The following GOLGA8S variants were observed in gnomAD, a reference collection of about 807,000 sequenced individuals.
GOLGA8S encodes golgin A8 family member S, also known as golgin subfamily A member 8S.
Under a neutral mutation model 58.9 loss-of-function variants are expected in GOLGA8S, and 23 were observed. The observed-to-expected ratio is 0.39, with a 90% CI of 0.28 to 0.55. The LOEUF (loss-of-function observed/expected upper bound fraction) is 0.55. Among genes scored for constraint, GOLGA8S ranks in the 20% least tolerant of loss-of-function variants. GOLGA8S has a pLI of 0.63. For synonymous variants in GOLGA8S, 84 were observed against 195.7 expected, an observed-to-expected ratio of 0.43 and a Z score of 4.76; for missense variants, 266 against 514.2, an observed-to-expected ratio of 0.52 and a Z score of 4.67.
chr15:23,359,931 G>T (rs2069757078), intron 8 of GOLGA8S, among the ~76,000 whole-genome samples: 1 of 148,980 alleles, frequency 6.7e-6, no homozygotes, highest in Non-Finnish European at 1.5e-5. Flanking sequence ...GGATTAAATG[G>T]GATTGCTAGC....
exon 12 of GOLGA8S, chr15:23,361,343 A>C (rs769798216): frequency 9.4e-6 from 11 of 1,171,638 alleles, no homozygotes; most frequent in Middle Eastern, 2.3e-4. Flanking sequence ...TCAGCGCATA[A>C]GTCTCCTGAA....
At chr15:23,364,408 T>G (rs4036678) in exon 16 of GOLGA8S, 2 of 1,604,296 alleles carry the variant, frequency 1.2e-6, no homozygotes, top group Non-Finnish European at 8.5e-7. Context: ...AACAAGAACT[T>G]CGCTTCATTC....
At chr15:23,365,863 T>G (rs4036670), downstream of GOLGA8S, 1 of 153,984 alleles carries the variant, frequency 6.5e-6, no homozygotes, top group East Asian at 1.9e-4. Flanking sequence ...TTATGGTGGT[T>G]CCCTTAGGAT....
At chr15:23,357,813 T>C (rs2141021741) in intron 4 of GOLGA8S, among the ~76,000 whole-genome samples, 194 bp downstream of exon 4, 1 of 149,532 alleles carries the variant, frequency 6.7e-6, no homozygotes, top group East Asian at 1.9e-4. Context: ...TTGCTGACTC[T>C]CCCCTCTCCA....
Position 23,358,064 on chromosome 15 carries a change from C to G in GOLGA8S, c.310-408C>G, listed in dbSNP as rs1368955526. On this transcript the variant is annotated intron_variant, in intron 4 of 18. Transcript: ENST00000562295. ...TAAAGGCCTCCTAGAATGGAAACCT[C>G]AGGGCCAAAGGCTCCTGTCTGTCCT... is the stretch of plus-strand genomic sequence containing the variant. 6.6e-5 allele frequency among the ~76,000 whole-genome samples: 10 copies of G among 151,202 alleles called. No individual in the cohort carries two copies. In the East Asian group the frequency reaches 1.7e-3, roughly 26 times the overall value.
downstream of GOLGA8S, among the ~76,000 whole-genome samples, chr15:23,368,221 G>C (rs1329464275): frequency 2.6e-5 from 4 of 151,944 alleles, no homozygotes; most frequent in African/African-American, 9.7e-5. Context: ...CTTGTAAACA[G>C]AATGTGTAAT....
chr15:23,358,205 C>G (rs375725909), intron 4 of GOLGA8S, among the ~76,000 whole-genome samples: 1,848 of 135,462 alleles, frequency 0.014, no homozygotes, highest in African/African-American at 0.043. Flanking sequence ...GGGCCTTTCT[C>G]AAACTCCATC....
At chr15:23,364,490 G>C (rs2069875694) in intron 16 of GOLGA8S, 36 bp from the exon 17 acceptor site, 1 of 1,605,390 alleles carries the variant, frequency 6.2e-7, no homozygotes, top group Non-Finnish European at 8.5e-7. Flanking sequence ...AGGGCCGTCG[G>C]AGGGGCCCCA....
rs543816561 is a variant in GOLGA8S at position 23,363,585 on chromosome 15, G to A, written c.1256-93G>A. 1,065 of 328,036 alleles carry A rather than the reference G, an allele frequency of 3.2e-3. 104 individuals are homozygous for A. The highest frequency in any genetic ancestry group is 6.2e-3 in the Middle Eastern group (8 of 1,290). 20.3% of individuals were successfully genotyped at this position (328,036 alleles called of 1,614,324 possible). A position where few individuals can be genotyped will look rare whatever the true frequency, so the allele number is the denominator to read the frequency against. On this transcript the variant is annotated intron_variant, in intron 14 of 18. Transcript: ENST00000562295. The stretch of plus-strand genomic sequence containing the variant: ...CTCTCTGGGGAGGGGCTGGCTCAGG[G>A]TTACACAATGAGGGTGGAGGTAGAG...
exon 16 of GOLGA8S, chr15:23,364,410 G>T (rs777107112): frequency 2.5e-6 from 4 of 1,604,448 alleles, no homozygotes; most frequent in Middle Eastern, 1.7e-4. Flanking sequence ...CAAGAACTTC[G>T]CTTCATTCAA....
chr15:23,364,553 A>C, exon 17 of GOLGA8S: 1 of 1,591,324 alleles, frequency 6.3e-7, no homozygotes, highest in Non-Finnish European at 8.5e-7. Context: ...TATCAGAACC[A>C]GGGGGCCGTG....
At chr15:23,366,474 CT>C (rs2069923947), downstream of GOLGA8S, 1 of 151,900 alleles carries the variant, frequency 6.6e-6, no homozygotes, top group African/African-American at 2.4e-5. Flanking sequence ...ATTATACTAT[CT>C]TTGAAAATCA....
chr15:23,366,300 C>T (rs2069921164), downstream of GOLGA8S: 1 of 150,740 alleles, frequency 6.6e-6, no homozygotes, highest in Non-Finnish European at 1.5e-5. Flanking sequence ...CCATCTAGAC[C>T]TCTTTGGCTA....
rs901742045 is a variant in GOLGA8S, at chr15:23,364,033, T to G, written c.1347+264T>G. Among the ~76,000 whole-genome samples, 21 of 137,122 alleles carry G rather than the reference T, an allele frequency of 1.5e-4. 1 individual carries two copies. The highest frequency in any genetic ancestry group is 4.6e-4 in the African/African-American group (18 of 38,970). The allele number at this position is 137,122 out of a possible 152,430, so 90.0% of individuals were successfully genotyped here. A position where few individuals can be genotyped will look rare whatever the true frequency, so the allele number is the denominator to read the frequency against. On this transcript the variant is annotated intron_variant, in intron 15 of 18. Transcript: ENST00000562295. ...TCACATCTTGCCCTCAGGTGGCATT[T>G]TTCAAGTCCGCTGGAGCTAGTGCCC... is the stretch of plus-strand genomic sequence containing the variant.
rs1465144148 is a variant in GOLGA8S at position 23,364,712 on chromosome 15, C to T, written c.1547-7C>T. 6.6e-7 allele frequency: 1 copy of T among 1,510,930 alleles called. No individual in the cohort carries two copies. The highest frequency in any genetic ancestry group is 1.9e-5 in the Admixed American group (1 of 51,724). 93.6% of individuals were successfully genotyped at this position (1,510,930 alleles called of 1,614,324 possible). On this transcript the variant is annotated splice_polypyrimidine_tract_variant and splice_region_variant and intron_variant, in intron 17 of 18. Transcript: ENST00000562295. The stretch of plus-strand genomic sequence containing the variant: ...GCGGCATGGCAGCTGAGCACCCCTC[C>T]CTCCAGATGAAGCTGCTGGAGCTGC...
chr15:23,356,116 G>C (rs2069684466), intron 1 of GOLGA8S, among the ~76,000 whole-genome samples: 1 of 142,460 alleles, frequency 7.0e-6, no homozygotes. Context: ...AATGAGGCTT[G>C]GGTTGTCCTC....
chr15:23,368,026 A>G (rs1049583543), downstream of GOLGA8S, among the ~76,000 whole-genome samples: 8 of 151,978 alleles, frequency 5.3e-5, no homozygotes, highest in African/African-American at 1.4e-4. Context: ...TTAAAATAAT[A>G]TAACTATTAA....
intron 8 of GOLGA8S, 96 bp from the exon 9 acceptor site, chr15:23,360,132 AC>A: frequency 2.8e-6 from 2 of 703,688 alleles, no homozygotes; most frequent in South Asian, 3.1e-5. Context: ...CTTGATCTTT[AC>A]TGACCGAGTT....
At chr15:23,360,899 T>C in intron 11 of GOLGA8S, 84 bp downstream of exon 11, 1 of 867,620 alleles carries the variant, frequency 1.2e-6, no homozygotes, top group South Asian at 1.3e-5. Context: ...GCGAGGTGGG[T>C]GGATGGAAGG....
Sources: allele counts gnomAD v4.1 joint callset (sites outside exome capture counted in the v4.1 genomes callset), GRCh38; gene constraint gnomAD v4.1.1; transcripts MANE v1.5; gene names NCBI Gene and HGNC (gene_info 2026-07-23, HGNC 2026-07-21).